The following DOCK5 variants were observed in gnomAD, a reference collection of about 807,000 sequenced individuals.
The protein encoded by DOCK5 is dedicator of cytokinesis 5.
DOCK5 carries 142 observed loss-of-function variants against 251.8 expected under a neutral mutation model. The ratio of observed to expected loss-of-function variants is 0.56; its 90% CI spans 0.49 to 0.65. The LOEUF is 0.65. DOCK5 is among the 30% of genes least tolerant of loss of function. The pLI is 0.00. For missense variants in DOCK5, 2,111 were observed against 2,312.3 expected, an observed-to-expected ratio of 0.91 and a Z score of 1.79; for synonymous variants, 842 against 835.5, an observed-to-expected ratio of 1.01 and a Z score of -0.13.
intron 2 of DOCK5, among the ~76,000 whole-genome samples, chr8:25,244,099 A>G (rs899632434): frequency 5.9e-5 from 9 of 152,220 alleles, no homozygotes; most frequent in African/African-American, 2.2e-4. Flanking sequence ...CAAAGGAAGC[A>G]CTGCTGATTA....
chr8:25,293,537 C>T (rs1246280092), intron 6 of DOCK5, among the ~76,000 whole-genome samples: 1 of 152,140 alleles, frequency 6.6e-6, no homozygotes, highest in African/African-American at 2.4e-5. Context: ...TTCCCAGTCA[C>T]ATAGATAATA....
intron 34 of DOCK5, among the ~76,000 whole-genome samples, chr8:25,371,239 A>G (rs776047222): frequency 6.6e-6 from 1 of 152,036 alleles, no homozygotes; most frequent in Non-Finnish European, 1.5e-5. Flanking sequence ...TTCAGTAGAG[A>G]TGGGGTTTCA....
At chr8:25,282,771 G>A (rs1454334559) in intron 5 of DOCK5, among the ~76,000 whole-genome samples, 1 of 146,894 alleles carries the variant, frequency 6.8e-6, no homozygotes, top group African/African-American at 2.5e-5. Context: ...GATTGCTTGA[G>A]CTCGGGTGGT....
chr8:25,297,438 A>G (rs1389122429), intron 7 of DOCK5, among the ~76,000 whole-genome samples: 1 of 151,988 alleles, frequency 6.6e-6, no homozygotes, highest in African/African-American at 2.4e-5. Context: ...TTGTATTTTT[A>G]GTAGAGACTT....
At chr8:25,278,735 G>A (rs1215081642) in intron 5 of DOCK5, 70 bp downstream of exon 5, 2 of 1,422,054 alleles carry the variant, frequency 1.4e-6, no homozygotes, top group African/African-American at 1.4e-5. Flanking sequence ...CCTTTGCAGG[G>A]TGTTGGCCCC....
At chr8:25,374,460 A>G (rs553982883) in intron 36 of DOCK5, 104 bp from the exon 37 acceptor site, 31 of 1,085,868 alleles carry the variant, frequency 2.9e-5, no homozygotes, top group Middle Eastern at 4.2e-4. Context: ...GGACCACTGC[A>G]TACTGCAGCC....
intron 16 of DOCK5, 77 bp downstream of exon 16, chr8:25,321,129 G>A: frequency 4.0e-6 from 5 of 1,249,342 alleles, no homozygotes; most frequent in Non-Finnish European, 5.7e-6. Flanking sequence ...TTGTGAAGCT[G>A]GAGAACAAGA....
At chr8:25,184,987 A>T in intron 1 of DOCK5, 36 bp downstream of exon 1, 1 of 1,335,108 alleles carries the variant, frequency 7.5e-7, no homozygotes, top group East Asian at 2.9e-5. Flanking sequence ...GGCCCGACCC[A>T]CGCGGCCAAG....
chr8:25,230,582 G>A (rs1210112936), intron 1 of DOCK5, among the ~76,000 whole-genome samples: 1 of 152,162 alleles, frequency 6.6e-6, no homozygotes, highest in Non-Finnish European at 1.5e-5. Flanking sequence ...TGGGCATGGT[G>A]ACTCATGCCT....
At chr8:25,188,647 G>A (rs2117435210) in intron 1 of DOCK5, among the ~76,000 whole-genome samples, 1 of 152,250 alleles carries the variant, frequency 6.6e-6, no homozygotes, top group East Asian at 1.9e-4. Flanking sequence ...AGCAGTGTTG[G>A]CTCAGGCTCT....
chr8:25,410,704 C>A (rs1214838312), intron 51 of DOCK5, among the ~76,000 whole-genome samples: 1 of 54,772 alleles, frequency 1.8e-5, no homozygotes, highest in East Asian at 5.4e-4. Context: ...TCAAGTGATC[C>A]CCCCCACCCA....
In DOCK5 at chr8:25,310,640, T is replaced by C. The variant is rs1805066046; in HGVS notation, c.1318+108T>C. On this transcript the variant is annotated intron_variant, in intron 13 of 51. Coordinates refer to ENST00000276440, the MANE Select transcript of DOCK5 (RefSeq NM_024940.8). ...CAGAAGACTTGGTTATTTACATTCA[T>C]TGGTCCTGAGACACCTGGGACACAA... 6 of 1,355,054 alleles carry C rather than the reference T, an allele frequency of 4.4e-6. No individual in the cohort carries two copies. The South Asian group carries it at 6.5e-5, about 15-fold the overall frequency. 83.9% of individuals were successfully genotyped at this position (1,355,054 alleles called of 1,614,324 possible).
chr8:25,234,997 C>G (rs539153821), intron 1 of DOCK5, among the ~76,000 whole-genome samples: 6 of 152,188 alleles, frequency 3.9e-5, no homozygotes, highest in African/African-American at 1.4e-4. Context: ...TCACCATGCC[C>G]TGAATGGGAA....
chr8:25,207,721 A>C lies in DOCK5; in HGVS notation c.43+22770A>C, dbSNP rs373946593. Among the ~76,000 whole-genome samples, 7 of 152,356 alleles carry C rather than the reference A, an allele frequency of 4.6e-5. No individual in the cohort carries two copies. In the South Asian group the frequency reaches 6.2e-4, roughly 14 times the overall value. On this transcript the variant is annotated intron_variant, in intron 1 of 51. Transcript: ENST00000276440. Reference sequence around the variant, plus strand: ...CTGCCCATTGACAATGCACCAGGTCACCCAAGAGCTTAGATGGAGATGGAC... The same window carrying C: ...CTGCCCATTGACAATGCACCAGGTCCCCCAAGAGCTTAGATGGAGATGGAC...
intron 1 of DOCK5, among the ~76,000 whole-genome samples, chr8:25,227,668 G>T (rs2117512462): frequency 6.6e-6 from 1 of 152,104 alleles, no homozygotes; most frequent in South Asian, 2.1e-4. Context: ...ATTTAAAAAA[G>T]TCCAAGTGAG....
At position 25,412,611 on chromosome 8, in the gene DOCK5, T is replaced by C. The variant is rs1586407735; in HGVS notation, c.*1313T>C. ...ATTTGAAATGTCCCAGATATTTCTA[T>C]GCTACTTAGATATTTGTGGCAAAGC... On this transcript the variant is annotated 3_prime_UTR_variant, in exon 52 of 52. Coordinates refer to ENST00000276440, the MANE Select transcript of DOCK5 (RefSeq NM_024940.8). 1 of 152,370 alleles carries C rather than the reference T, an allele frequency of 6.6e-6. No individual in the cohort carries two copies. Among genetic ancestry groups the C allele is most frequent in the East Asian group, 1.9e-4 (1 of 5,192 alleles). 9.4% of individuals were successfully genotyped at this position (152,370 alleles called of 1,614,324 possible).
intron 1 of DOCK5, among the ~76,000 whole-genome samples, chr8:25,242,152 T>C (rs1488775341): frequency 6.6e-6 from 1 of 151,818 alleles, no homozygotes; most frequent in Admixed American, 6.6e-5. Flanking sequence ...TAAAGAATAA[T>C]TAAAAAAAAA....
intron 37 of DOCK5, chr8:25,376,071 C>T: frequency 1.0e-6 from 1 of 970,900 alleles, no homozygotes; most frequent in Non-Finnish European, 1.2e-6. Flanking sequence ...CATACTCCAG[C>T]CTGGGTGATA....
At chr8:25,201,150 G>C (rs912221374) in intron 1 of DOCK5, among the ~76,000 whole-genome samples, 4 of 152,122 alleles carry the variant, frequency 2.6e-5, no homozygotes, top group Non-Finnish European at 5.9e-5. Context: ...CAGGTGATCC[G>C]CCCACCTCGG....
Sources: allele counts gnomAD v4.1 joint callset (sites outside exome capture counted in the v4.1 genomes callset), GRCh38; gene constraint gnomAD v4.1.1; transcripts MANE v1.5; gene names NCBI Gene and HGNC (gene_info 2026-07-23, HGNC 2026-07-21).